The following FARS2 variants were observed in gnomAD, a reference collection of about 807,000 sequenced individuals.
FARS2 encodes the protein phenylalanyl-tRNA synthetase 2, mitochondrial.
FARS2 carries 40 observed loss-of-function variants against 46.4 expected under a neutral mutation model. The observed-to-expected ratio is 0.86, with a 90% confidence interval of 0.67 to 1.12. The LOEUF is 1.12. FARS2 is among the 50% of genes most tolerant of loss of function. The probability of loss-of-function intolerance (pLI) is 0.00; values close to 1 mark genes in which losing one functional copy is unlikely to be tolerated. For synonymous variants in FARS2, 234 were observed against 214.9 expected (o/e 1.09, Z -0.78); for missense variants, 513 against 567.9 (o/e 0.90, Z 0.98).
chr6:5,630,386 A>G lies in FARS2; in HGVS notation c.1217+17066A>G, dbSNP rs1246919827. 6.6e-6 allele frequency among the ~76,000 whole-genome samples: 1 copy of G among 152,200 alleles called. No individual in the cohort carries two copies. The highest frequency in any genetic ancestry group is 1.5e-5 in the Non-Finnish European group (1 of 68,034). On this transcript the variant is annotated intron_variant, in intron 6 of 6. Coordinates refer to ENST00000274680, the MANE Select transcript of FARS2 (RefSeq NM_006567.5). This position sits in a 1 kb window ranked among gnomAD's most constrained non-coding sequence, Gnocchi z 4.2. ...TAGTAGTCAGTTCAATGGTAGAAAA[A>G]TACTTTGGATGATCATGTTTCTTTA...
intron 1 of FARS2, among the ~76,000 whole-genome samples, chr6:5,286,588 G>A (rs530495709): frequency 4.6e-5 from 7 of 152,236 alleles, no homozygotes; most frequent in South Asian, 4.2e-4. Context: ...AATATAAAGT[G>A]TGTTTTACTA....
Position 5,369,050 on chromosome 6 carries a change from G to A in FARS2, c.480G>A (p.Gln160=). Residue 160 remains glutamine, a synonymous_variant, in exon 2 of 7, where the codon CAG becomes CAA. Coordinates refer to ENST00000274680, the MANE Select transcript of FARS2 (RefSeq NM_006567.5). Reference sequence around the variant, plus strand: ...TGAGAGCGCACACGTCTGCACACCAGTGGGACTTGCTGCACGCGGGACTGG... The same window carrying A: ...TGAGAGCGCACACGTCTGCACACCAATGGGACTTGCTGCACGCGGGACTGG... ...HMLRAHTSAH[Q]WDLLHAGLDA... 6.2e-7 allele frequency: 1 copy of A among 1,614,144 alleles called. No homozygotes were observed. Among genetic ancestry groups the A allele is most frequent in the Non-Finnish European group, 8.5e-7 (1 of 1,180,012 alleles).
chr6:5,651,195 C>T (rs1217341853), intron 6 of FARS2, among the ~76,000 whole-genome samples: 1 of 152,050 alleles, frequency 6.6e-6, no homozygotes, highest in Non-Finnish European at 1.5e-5. Flanking sequence ...TTCAGTAGAC[C>T]CAAGAAAGCT....
intron 5 of FARS2, chr6:5,609,129 GC>G (rs1414563732): frequency 3.6e-5 from 25 of 693,294 alleles, no homozygotes; most frequent in African/African-American, 3.5e-4. Context: ...GCTAGGCCCT[GC>G]CACCACTGTG....
At chr6:5,513,582 G>T (rs145207856) in intron 4 of FARS2, among the ~76,000 whole-genome samples, 3 of 152,208 alleles carry the variant, frequency 2.0e-5, no homozygotes, top group African/African-American at 7.2e-5. Flanking sequence ...TTTCGTTCTG[G>T]CTGCTGCCTC....
upstream of FARS2, chr6:5,261,040 C>T (rs996215751): frequency 1.1e-5 from 9 of 854,322 alleles, no homozygotes; most frequent in African/African-American, 3.6e-5. Context: ...CCAGCAGCCG[C>T]TCCACGCGGC....
At chr6:5,260,207 A>G (rs1259577484), upstream of FARS2, among the ~76,000 whole-genome samples, 1 of 152,214 alleles carries the variant, frequency 6.6e-6, no homozygotes, top group African/African-American at 2.4e-5. Context: ...GGGAGGTGCT[A>G]GAGTGTGCCT....
chr6:5,521,384 A>G (rs1769123977), intron 4 of FARS2, among the ~76,000 whole-genome samples: 1 of 152,088 alleles, frequency 6.6e-6, no homozygotes, highest in Admixed American at 6.5e-5. Flanking sequence ...AAAAAAAAAA[A>G]AAGATGAGGA....
At chr6:5,351,747 A>C (rs541560401) in intron 1 of FARS2, among the ~76,000 whole-genome samples, 1 of 152,318 alleles carries the variant, frequency 6.6e-6, no homozygotes, top group African/African-American at 2.4e-5. Context: ...AGATGTGAGT[A>C]ATTTTTAGCT....
At chr6:5,267,018 A>G (rs920668842) in intron 1 of FARS2, among the ~76,000 whole-genome samples, 4 of 152,166 alleles carry the variant, frequency 2.6e-5, no homozygotes, top group Non-Finnish European at 5.9e-5. Context: ...CTTGAAAGCT[A>G]TGATATGTTG....
intron 5 of FARS2, among the ~76,000 whole-genome samples, chr6:5,604,419 G>A (rs1220148680): frequency 6.6e-6 from 1 of 152,152 alleles, no homozygotes; most frequent in Non-Finnish European, 1.5e-5. Context: ...GAACATGCCA[G>A]AAAGCTCATT....
intron 6 of FARS2, among the ~76,000 whole-genome samples, chr6:5,627,614 G>A (rs1316759470): frequency 6.6e-6 from 1 of 152,160 alleles, no homozygotes; most frequent in Non-Finnish European, 1.5e-5. Context: ...CACATTGCCT[G>A]GTGTTTATAC....
intron 4 of FARS2, among the ~76,000 whole-genome samples, chr6:5,517,015 T>C (rs1410522321): frequency 1.3e-5 from 2 of 152,150 alleles, no homozygotes; most frequent in South Asian, 2.1e-4. Flanking sequence ...AAAGTTTAGA[T>C]AGATGCATTC....
chr6:5,725,404 A>G (rs1397520442), intron 6 of FARS2, among the ~76,000 whole-genome samples: 1 of 152,112 alleles, frequency 6.6e-6, no homozygotes, highest in African/African-American at 2.4e-5. Flanking sequence ...CAGGGAGGGA[A>G]GTTAGGTCTG....
At chr6:5,678,396 C>T (rs1384198042) in intron 6 of FARS2, among the ~76,000 whole-genome samples, 2 of 152,090 alleles carry the variant, frequency 1.3e-5, no homozygotes, top group African/African-American at 2.4e-5. Context: ...TGAGCTGGTG[C>T]CTTGAGGAGA....
intron 4 of FARS2, among the ~76,000 whole-genome samples, chr6:5,481,081 G>C (rs1766426979): frequency 3.9e-5 from 6 of 152,206 alleles, no homozygotes; most frequent in Admixed American, 3.9e-4. Flanking sequence ...AAGGCAGTGA[G>C]TCCTTTATGC....
intron 6 of FARS2, among the ~76,000 whole-genome samples, chr6:5,699,059 C>T (rs945863032): frequency 2.0e-5 from 3 of 152,188 alleles, no homozygotes; most frequent in Non-Finnish European, 4.4e-5. Flanking sequence ...GGCTGTATAT[C>T]AAAGTAGACT....
chr6:5,613,570 G>A (rs182814971), intron 6 of FARS2, among the ~76,000 whole-genome samples: 94 of 152,282 alleles, frequency 6.2e-4, no homozygotes, highest in African/African-American at 2.2e-3. Context: ...TAAAAGTCCT[G>A]CAGCTTTTCA....
intron 1 of FARS2, among the ~76,000 whole-genome samples, chr6:5,297,722 A>G (rs1157409979): frequency 6.6e-6 from 1 of 152,230 alleles, no homozygotes; most frequent in African/African-American, 2.4e-5. Flanking sequence ...TAAGCTTTGC[A>G]TATTTTATGA....
Sources: allele counts gnomAD v4.1 joint callset (sites outside exome capture counted in the v4.1 genomes callset), GRCh38; gene constraint gnomAD v4.1.1; non-coding constraint Gnocchi (gnomAD v3.1); transcripts MANE v1.5; gene names NCBI Gene and HGNC (gene_info 2026-07-23, HGNC 2026-07-21).